Variants in VPS41 observed in about 807,000 individuals in gnomAD.
VPS41 encodes vacuolar protein sorting-associated protein 41 homolog.
Under a neutral mutation model 130.9 loss-of-function variants are expected in VPS41, and 85 were observed. The ratio of observed to expected loss-of-function variants is 0.65; its 90% CI spans 0.55 to 0.78. VPS41 has a LOEUF of 0.78. Ranked by LOEUF, VPS41 falls within the 30% of genes least tolerant of loss-of-function variation. The pLI, the probability that VPS41 is intolerant of heterozygous loss-of-function variation, is 0.00. For synonymous variants in VPS41, 335 were observed against 332.9 expected (o/e 1.01, Z -0.07); for missense variants, 874 against 1,018.7 (o/e 0.86, Z 1.93).
At chr7:38,813,475 T>C (rs1016123709) in intron 7 of VPS41, among the ~76,000 whole-genome samples, 4 of 152,176 alleles carry the variant, frequency 2.6e-5, no homozygotes, top group African/African-American at 9.7e-5. Context: ...TGTAAATATA[T>C]TAAAAACGAC....
intron 2 of VPS41, among the ~76,000 whole-genome samples, chr7:38,877,389 C>T (rs181578751): frequency 2.1e-3 from 319 of 152,000 alleles, no homozygotes; most frequent in African/African-American, 7.5e-3. Flanking sequence ...AAAGGGCTGG[C>T]AATTTTGAAA....
chr7:38,796,308 C>T (rs1045938129), intron 8 of VPS41: 8 of 334,886 alleles, frequency 2.4e-5, no homozygotes, highest in South Asian at 4.9e-5. Flanking sequence ...CTGAAAATTA[C>T]GATCCACTTT....
chr7:38,773,937 A>T (rs1784203459), intron 12 of VPS41, among the ~76,000 whole-genome samples, 178 bp downstream of exon 12: 1 of 152,192 alleles, frequency 6.6e-6, no homozygotes, highest in Non-Finnish European at 1.5e-5. Flanking sequence ...ATAGGAGCTT[A>T]TGCAAGTTTT....
chr7:38,822,827 C>G (rs947834892), intron 5 of VPS41, among the ~76,000 whole-genome samples: 1 of 152,148 alleles, frequency 6.6e-6, no homozygotes, highest in African/African-American at 2.4e-5. Context: ...AAATTCATTA[C>G]GTTGAAACCT....
chr7:38,776,817 C>A, intron 10 of VPS41, 41 bp from the exon 11 acceptor site: 1 of 1,107,424 alleles, frequency 9.0e-7, no homozygotes, highest in Non-Finnish European at 1.4e-6. Context: ...TCAACAGGGG[C>A]AAACAGCAGC....
Position 38,763,335 on chromosome 7 carries a change from T to C in VPS41, c.1422+120A>G, listed in dbSNP as rs956947831. On this transcript the variant is annotated intron_variant, in intron 17 of 28. Coordinates refer to ENST00000310301, the MANE Select transcript of VPS41 (RefSeq NM_014396.4). Reference sequence around the variant, plus strand: ...GGAGTTTCTCTAGCTCAGTTTCACCTGCCACATGCAAACTACAAATCTGTT... The same window carrying C: ...GGAGTTTCTCTAGCTCAGTTTCACCCGCCACATGCAAACTACAAATCTGTT... 7.0e-6 allele frequency: 4 copies of C among 568,914 alleles called. No individual in the cohort carries two copies. The African/African-American group carries it at 7.7e-5, about 11-fold the overall frequency. 35.2% of individuals were successfully genotyped at this position (568,914 alleles called of 1,614,324 possible).
At chr7:38,778,799 C>A (rs1341000875) in intron 10 of VPS41, among the ~76,000 whole-genome samples, 1 of 152,166 alleles carries the variant, frequency 6.6e-6, no homozygotes, top group Non-Finnish European at 1.5e-5. Flanking sequence ...ACTTGGGATG[C>A]CAAATAGGCT....
intron 7 of VPS41, among the ~76,000 whole-genome samples, chr7:38,817,382 T>C (rs1436649834): frequency 6.6e-6 from 1 of 152,136 alleles, no homozygotes; most frequent in Non-Finnish European, 1.5e-5. Context: ...GGAGAGCAGA[T>C]CACCTGAGGT....
chr7:38,847,043 C>T (rs1785741876), intron 4 of VPS41, among the ~76,000 whole-genome samples: 1 of 152,020 alleles, frequency 6.6e-6, no homozygotes, highest in Admixed American at 6.6e-5. Context: ...CAGTAGACCA[C>T]ACCAAAAAAG....
chr7:38,817,934 A>T (rs190864907), intron 6 of VPS41, 52 bp from the exon 7 acceptor site: 1 of 1,430,534 alleles, frequency 7.0e-7, no homozygotes, highest in Middle Eastern at 1.8e-4. Context: ...GCCAATGCAC[A>T]GAATGAAAAC....
At chr7:38,774,377 T>TA (rs1205914377) in intron 11 of VPS41, 133 bp from the exon 12 acceptor site, 25 of 790,628 alleles carry the variant, frequency 3.2e-5, no homozygotes, top group Non-Finnish European at 3.8e-5. Context: ...GGGTAATTTA[T>TA]AAAGGAAAGA....
intron 2 of VPS41, among the ~76,000 whole-genome samples, chr7:38,889,100 T>G (rs1245187462): frequency 1.9e-5 from 1 of 52,882 alleles, no homozygotes; most frequent in Non-Finnish European, 3.8e-5. Flanking sequence ...GAACTTAAAG[T>G]ATAATTTAAA....
chr7:38,757,655 T>C (rs995727116), intron 18 of VPS41, among the ~76,000 whole-genome samples: 10 of 152,158 alleles, frequency 6.6e-5, no homozygotes, highest in Non-Finnish European at 4.4e-5. Context: ...CATTTTGGTA[T>C]ACCTTTTTTG....
chr7:38,728,896 T>A, intron 25 of VPS41, 105 bp from the exon 26 acceptor site: 2 of 974,670 alleles, frequency 2.1e-6, no homozygotes, highest in African/African-American at 1.6e-5. Context: ...CTTGAAATAC[T>A]CAAAAGGGGC....
At chr7:38,748,103 A>C (rs1205359091) in intron 22 of VPS41, among the ~76,000 whole-genome samples, 3 of 152,230 alleles carry the variant, frequency 2.0e-5, no homozygotes, top group African/African-American at 7.2e-5. Flanking sequence ...ATTTTGAGTA[A>C]AGTATAAAAA....
At chr7:38,854,605 G>A (rs1785938568) in intron 4 of VPS41, among the ~76,000 whole-genome samples, 2 of 152,094 alleles carry the variant, frequency 1.3e-5, no homozygotes, top group Non-Finnish European at 1.5e-5. Context: ...GGAGAGGAAG[G>A]TATGAAAAAA....
intron 2 of VPS41, among the ~76,000 whole-genome samples, chr7:38,876,231 C>G (rs2116363179): frequency 6.6e-6 from 1 of 152,258 alleles, no homozygotes; most frequent in South Asian, 2.1e-4. Context: ...TTGAAAAATT[C>G]TGGATTAAAT....
chr7:38,861,376 T>G (rs13236393), intron 4 of VPS41, among the ~76,000 whole-genome samples: 2,907 of 152,236 alleles, frequency 0.019, 29 homozygotes, highest in Middle Eastern at 0.058. Flanking sequence ...AGGTACACAT[T>G]TTAATGGATG....
chr7:38,822,073 C>A (rs1467320699), intron 5 of VPS41, among the ~76,000 whole-genome samples: 1 of 152,092 alleles, frequency 6.6e-6, no homozygotes, highest in African/African-American at 2.4e-5. Context: ...ACTGAGAATA[C>A]AGAAATGAAA....
Sources: allele counts gnomAD v4.1 joint callset (sites outside exome capture counted in the v4.1 genomes callset), GRCh38; gene constraint gnomAD v4.1.1; transcripts MANE v1.5; gene names NCBI Gene and HGNC (gene_info 2026-07-23, HGNC 2026-07-21).